The following GTF2I variants were observed in gnomAD, a reference collection of about 807,000 sequenced individuals.
GTF2I encodes general transcription factor IIi, also known as general transcription factor II-I.
Under a neutral mutation model 67.6 loss-of-function variants are expected in GTF2I, and 12 were observed. That is an observed-to-expected ratio of 0.18 (90% CI 0.11 to 0.29). The LOEUF is 0.29. Among genes scored for constraint, GTF2I ranks in the 10% least tolerant of loss-of-function variants. The pLI, the probability that GTF2I is intolerant of heterozygous loss-of-function variation, is 1.00. For synonymous variants in GTF2I, 149 were observed against 197.0 expected, an observed-to-expected ratio of 0.76 and a Z score of 2.04; for missense variants, 271 against 580.1, an observed-to-expected ratio of 0.47 and a Z score of 5.47.
At chr7:74,675,025 G>T (rs1805776239) in intron 1 of GTF2I, among the ~76,000 whole-genome samples, 1 of 149,652 alleles carries the variant, frequency 6.7e-6, no homozygotes, top group African/African-American at 2.5e-5. Context: ...GCCAATTTTT[G>T]TATTTTTAGT....
intron 3 of GTF2I, among the ~76,000 whole-genome samples, chr7:74,691,979 G>A (rs1788354361): frequency 6.6e-6 from 1 of 150,422 alleles, no homozygotes; most frequent in Non-Finnish European, 1.5e-5. Context: ...GTTTTGCCAT[G>A]TTGGCCAAGT....
chr7:74,709,308 G>A (rs782800983), intron 8 of GTF2I, among the ~76,000 whole-genome samples: 9 of 152,234 alleles, frequency 5.9e-5, no homozygotes, highest in African/African-American at 9.6e-5. Context: ...GAGTGCAGTC[G>A]TGCGATCTCG....
chr7:74,664,236 C>A (rs1053659624), intron 1 of GTF2I, among the ~76,000 whole-genome samples: 5 of 152,260 alleles, frequency 3.3e-5, no homozygotes, highest in Admixed American at 3.3e-4. Flanking sequence ...TCCTTTTGTT[C>A]TGGAACTCTC....
chr7:74,698,811 A>G (rs3846966), intron 3 of GTF2I, 150 bp from the exon 4 acceptor site: 273,964 of 351,704 alleles, frequency 0.78, 107,448 homozygotes, highest in East Asian at 0.94. Context: ...AGAATGGTTA[A>G]GAAATAGTTT....
chr7:74,719,151 G>A (rs1389212418), intron 12 of GTF2I, among the ~76,000 whole-genome samples: 7 of 152,128 alleles, frequency 4.6e-5, no homozygotes, highest in Non-Finnish European at 2.9e-5. Flanking sequence ...ATTGGCCCAC[G>A]GGTGGCCCAA....
chr7:74,712,277 G>A (rs781991347), intron 9 of GTF2I, among the ~76,000 whole-genome samples: 3 of 152,102 alleles, frequency 2.0e-5, no homozygotes, highest in East Asian at 1.9e-4. Flanking sequence ...TAAAAGCATA[G>A]TATCAGTCTG....
intron 9 of GTF2I, among the ~76,000 whole-genome samples, chr7:74,713,992 T>A (rs1028865703): frequency 9.9e-5 from 15 of 152,162 alleles, no homozygotes; most frequent in Admixed American, 8.5e-4. Flanking sequence ...GTGTGGTGCA[T>A]CTTTGTGAAA....
intron 11 of GTF2I, among the ~76,000 whole-genome samples, chr7:74,717,402 G>T (rs1381204155): frequency 6.6e-6 from 1 of 152,076 alleles, no homozygotes; most frequent in African/African-American, 2.4e-5. Flanking sequence ...CCTTTATTTT[G>T]TACTCACAAC....
At chr7:74,665,985 G>A (rs951821424) in intron 1 of GTF2I, among the ~76,000 whole-genome samples, 6 of 152,108 alleles carry the variant, frequency 3.9e-5, no homozygotes, top group African/African-American at 7.2e-5. Context: ...GACTACAGGC[G>A]TGCGCCACCA....
chr7:74,702,812 C>T (rs587644834), intron 6 of GTF2I, among the ~76,000 whole-genome samples: 1 of 151,350 alleles, frequency 6.6e-6, no homozygotes, highest in South Asian at 2.1e-4. Flanking sequence ...CAGCTTAGTG[C>T]AGCCTCAACC....
Position 74,697,487 on chromosome 7 carries a change from G to C in GTF2I, c.239-1474G>C, listed in dbSNP as rs587717155. ...TGTATTGTACACTCATGAAACATCT[G>C]AATTTGGACCAGCCAAGTTGCAAGT... On this transcript the variant is annotated intron_variant, in intron 3 of 34. Transcript: ENST00000573035. Among the ~76,000 whole-genome samples, 12 of 152,210 alleles carry C rather than the reference G, an allele frequency of 7.9e-5. No homozygotes were observed. The South Asian group carries it at 2.3e-3, about 29-fold the overall frequency.
At chr7:74,689,031 T>C in intron 1 of GTF2I, 93 bp from the exon 2 acceptor site, 1 of 718,254 alleles carries the variant, frequency 1.4e-6, no homozygotes, top group South Asian at 1.6e-5. Context: ...AAACTGTAAA[T>C]TAGGCAGCCG....
intron 2 of GTF2I, among the ~76,000 whole-genome samples, chr7:74,690,214 TA>T (rs112071757): frequency 2.8e-4 from 41 of 145,586 alleles, no homozygotes; most frequent in Admixed American, 2.8e-4. Context: ...AACTCTGTCT[TA>T]AAAAAAAAAA....
At chr7:74,731,552 GT>G (rs797038025) in intron 14 of GTF2I, among the ~76,000 whole-genome samples, 125,230 of 136,376 alleles carry the variant, frequency 0.92, 57,466 homozygotes, top group East Asian at 0.99. Context: ...TTTTGTTGTT[GT>G]TTTTTTTTTT....
intron 4 of GTF2I, chr7:74,699,312 A>T (rs1288628748): frequency 2.5e-5 from 6 of 237,130 alleles, no homozygotes; most frequent in African/African-American, 4.8e-5. Flanking sequence ...TTTTTTTTTG[A>T]GATGGAGTCT....
chr7:74,673,409 T>C (rs1322058042), intron 1 of GTF2I, among the ~76,000 whole-genome samples: 1 of 152,116 alleles, frequency 6.6e-6, no homozygotes, highest in African/African-American at 2.4e-5. Context: ...GGAGTTTCTC[T>C]CTTGTTGCCC....
intron 14 of GTF2I, among the ~76,000 whole-genome samples, chr7:74,730,744 A>T (rs2131515293): frequency 2.4e-5 from 1 of 41,498 alleles, no homozygotes. Flanking sequence ...TTTTTTTGAG[A>T]CGGAGTCTCT....
intron 1 of GTF2I, among the ~76,000 whole-genome samples, chr7:74,679,090 A>AT (rs1200945908): frequency 4.1e-5 from 6 of 147,328 alleles, no homozygotes; most frequent in African/African-American, 1.5e-4. Context: ...AAATTTTTTA[A>AT]TTTTTTGAGA....
intron 1 of GTF2I, among the ~76,000 whole-genome samples, chr7:74,658,401 C>G (rs1804125583): frequency 6.9e-6 from 1 of 145,034 alleles, no homozygotes; most frequent in Admixed American, 6.8e-5. Context: ...CGCGCGCCGA[C>G]CGGCGTGCGG....
Sources: allele counts gnomAD v4.1 joint callset (sites outside exome capture counted in the v4.1 genomes callset), GRCh38; gene constraint gnomAD v4.1.1; transcripts MANE v1.5; gene names NCBI Gene and HGNC (gene_info 2026-07-23, HGNC 2026-07-21).